CTCF: variants seen among roughly 807,000 people sequenced by gnomAD.
CTCF encodes transcriptional repressor CTCF.
CTCF carries 7 observed loss-of-function variants against 72.3 expected under a neutral mutation model. The observed-to-expected ratio is 0.10, with a 90% CI of 0.06 to 0.18. The LOEUF (loss-of-function observed/expected upper bound fraction) is 0.18. Among genes scored for constraint, CTCF ranks in the 10% least tolerant of loss-of-function variants. CTCF has a pLI of 1.00. For synonymous variants in CTCF, 374 were observed against 315.8 expected (o/e 1.18, Z -1.95); for missense variants, 516 against 949.1 (o/e 0.54, Z 6.00).
At chr16:67,636,925 C>G in intron 11 of CTCF, 74 bp downstream of exon 11, 11 of 1,298,568 alleles carry the variant, frequency 8.5e-6, no homozygotes, top group Non-Finnish European at 1.1e-5. Flanking sequence ...GGTCCTTGTT[C>G]TTTGGGGATG....
intron 2 of CTCF, among the ~76,000 whole-genome samples, chr16:67,608,359 G>A (rs1442218659): frequency 1.3e-5 from 2 of 151,920 alleles, no homozygotes; most frequent in Non-Finnish European, 2.9e-5. Context: ...CGACTTGTTA[G>A]ATGTGGTTCT....
chr16:67,608,394 A>G (rs1381856359), intron 2 of CTCF, among the ~76,000 whole-genome samples: 1 of 152,010 alleles, frequency 6.6e-6, no homozygotes, highest in Non-Finnish European at 1.5e-5. Flanking sequence ...TCCTGATCTC[A>G]TTGTCAGGAG....
rs1264086135 is a variant in CTCF, at chr16:67,636,719, G to A, written c.1867G>A (p.Glu623Lys). Reference protein sequence around the residue: ...ENAEPDLDDNEDEEEPAVEIE... With the variant: ...ENAEPDLDDNKDEEEPAVEIE... ...TGCTGAACCAGATCTGGACGACAAT[G>A]AGGATGAGGAGGAGCCTGCCGTAGA... The change falls in exon 11 of 12, where the codon GAG (glutamate) becomes AAG (lysine). Residue 623 changes from glutamate (E) to lysine (K), a missense_variant. Glu to Lys is a moderately conservative substitution (Grantham distance 56, BLOSUM62 1). Transcript: ENST00000264010. The A allele has an allele frequency of 1.2e-6, 2 of 1,608,186 alleles. No individual in the cohort carries two copies. The highest frequency in any genetic ancestry group is 8.5e-7 in the Non-Finnish European group (1 of 1,177,176).
rs2052468211 is a variant in CTCF at position 67,638,908 on chromosome 16, C to T, written c.*1036C>T. On this transcript the variant is annotated 3_prime_UTR_variant, in exon 12 of 12. Transcript: ENST00000264010. ...CTAAAAAGTGATTCTTGCACATGAACTGTCACATGTTTAAAAATGTGTTTT... is the reference window on the plus strand; with the variant it reads ...CTAAAAAGTGATTCTTGCACATGAATTGTCACATGTTTAAAAATGTGTTTT... 1 of 205,920 alleles carries T rather than the reference C, an allele frequency of 4.9e-6. No homozygotes were observed. Among genetic ancestry groups the T allele is most frequent in the Non-Finnish European group, 9.9e-6 (1 of 100,538 alleles). 12.8% of individuals were successfully genotyped at this position (205,920 alleles called of 1,614,324 possible).
chr16:67,628,047 A>G (rs2142865727), intron 8 of CTCF: 1 of 228,940 alleles, frequency 4.4e-6, no homozygotes, highest in South Asian at 1.5e-4. Flanking sequence ...GCGAGCCAAG[A>G]TCGCGCCACT....
intron 9 of CTCF, 137 bp downstream of exon 9, chr16:67,628,689 C>T: frequency 1.2e-6 from 1 of 854,266 alleles, no homozygotes; most frequent in Non-Finnish European, 1.9e-6. Context: ...TTAGTCATCC[C>T]CATCTTGATG....
intron 7 of CTCF, among the ~76,000 whole-genome samples, 157 bp downstream of exon 7, chr16:67,621,748 C>CTTTTTTT (rs34853932): frequency 9.1e-5 from 11 of 121,342 alleles, no homozygotes; most frequent in African/African-American, 2.0e-4. Flanking sequence ...TGCTTAGCTG[C>CTTTTTTT]TTTTTTTTTT....
intron 2 of CTCF, among the ~76,000 whole-genome samples, chr16:67,595,755 C>G (rs1175066402): frequency 2.0e-5 from 3 of 152,128 alleles, no homozygotes; most frequent in African/African-American, 7.2e-5. Flanking sequence ...GTCTCTGACT[C>G]TTAACAGTGA....
intron 2 of CTCF, among the ~76,000 whole-genome samples, chr16:67,599,192 C>A (rs570450310): frequency 1.3e-5 from 2 of 152,190 alleles, no homozygotes; most frequent in East Asian, 3.9e-4. Context: ...GTCAGGAGAT[C>A]GAGACCATCC....
At chr16:67,572,447 TC>T (rs1240494930) in intron 2 of CTCF, 1 of 152,180 alleles carries the variant, frequency 6.6e-6, no homozygotes, top group Non-Finnish European at 1.5e-5. Flanking sequence ...ATTGCTTAGA[TC>T]CCTGTTTCTC....
intron 10 of CTCF, among the ~76,000 whole-genome samples, chr16:67,632,161 G>C (rs2052374490): frequency 6.6e-6 from 1 of 151,748 alleles, no homozygotes; most frequent in Non-Finnish European, 1.5e-5. Context: ...TATTACCAGT[G>C]ATCAGATAAT....
At chr16:67,627,736 C>G (rs2052309320) in intron 8 of CTCF, 1 of 152,004 alleles carries the variant, frequency 6.6e-6, no homozygotes, top group Non-Finnish European at 1.5e-5. Context: ...ATCACAAGGT[C>G]AGGAGATCAA....
At chr16:67,606,135 G>T (rs967005068) in intron 2 of CTCF, among the ~76,000 whole-genome samples, 1 of 152,078 alleles carries the variant, frequency 6.6e-6, no homozygotes, top group Admixed American at 6.6e-5. Context: ...ACTATGGGGG[G>T]CAACCAGCAC....
intron 1 of CTCF, among the ~76,000 whole-genome samples, chr16:67,567,149 T>A (rs187541057): frequency 1.3e-5 from 2 of 152,286 alleles, no homozygotes; most frequent in East Asian, 3.9e-4. Context: ...CCATTTTTTT[T>A]AAACACCTGT....
rs771972615 is a variant in CTCF, at chr16:67,637,857, C to T, written c.2169C>T (p.Ser723=). The change falls in exon 12 of 12, where the codon AGC becomes AGT. Residue 723 remains serine (S), a synonymous_variant. Coordinates refer to ENST00000264010, the MANE Select transcript of CTCF (RefSeq NM_006565.4). ...NGDLTPEMIL[S]MMDR The stretch of plus-strand genomic sequence containing the variant: ...ACCTCACGCCCGAGATGATCCTCAG[C>T]ATGATGGACCGGTGATGGCGGAGCC... 1.6e-5 allele frequency: 25 copies of T among 1,611,202 alleles called. No individual in the cohort carries two copies. The highest frequency in any genetic ancestry group is 2.0e-5 in the Non-Finnish European group (24 of 1,179,310).
In CTCF at chr16:67,631,163, T is replaced by G. The variant is rs542586142; in HGVS notation, c.1837+1630T>G. Among the ~76,000 whole-genome samples, 3 of 134,948 alleles carry G rather than the reference T, an allele frequency of 2.2e-5. 1 individual carries two copies. The highest frequency in any genetic ancestry group is 8.6e-5 in the African/African-American group (3 of 34,790). The allele number at this position is 134,948 out of a possible 152,430, so 88.5% of individuals were successfully genotyped here. ...TTTTTGTTCTTTGTTTGTTTTTTTT[T>G]TGTTTTTTGTTTTTTTTTTGAGACA... On this transcript the variant is annotated intron_variant, in intron 10 of 11. Transcript: ENST00000264010.
In CTCF at chr16:67,596,370, C is replaced by T. The variant is rs558816630; in HGVS notation, c.-9-14454C>T. Among the ~76,000 whole-genome samples the T allele has an allele frequency of 2.0e-5, 3 of 152,126 alleles. No homozygotes were observed. In the East Asian group the frequency reaches 5.8e-4, roughly 29 times the overall value. On this transcript the variant is annotated intron_variant, in intron 2 of 11. Transcript: ENST00000264010. ...TTTGGTTTTTTTCTTATTCATCTGC[C>T]ATTTGTGTATTTTCAGTCATCTATT... is the stretch of plus-strand genomic sequence containing the variant.
chr16:67,595,856 C>T (rs961833530), intron 2 of CTCF, among the ~76,000 whole-genome samples: 8 of 152,146 alleles, frequency 5.3e-5, no homozygotes, highest in Non-Finnish European at 8.8e-5. Context: ...TTTTTGATGT[C>T]TACGATTCAC....
In CTCF at chr16:67,584,320, C is replaced by CA. The variant is rs1403823144; in HGVS notation, c.-10+13067dup. Among the ~76,000 whole-genome samples the CA allele has an allele frequency of 2.4e-3, 247 of 104,790 alleles. 1 individual carries two copies. The highest frequency in any genetic ancestry group is 0.022 in the Middle Eastern group (4 of 180). The allele number at this position is 104,790 out of a possible 152,430, so 68.7% of individuals were successfully genotyped here. On this transcript the variant is annotated intron_variant, in intron 2 of 11. Coordinates refer to ENST00000264010, the MANE Select transcript of CTCF (RefSeq NM_006565.4). ...CTGGATGACGAACGGAACTCCTTCTCAAAAAAAAAAAGTCTTCTTTTTTTT... is the reference window on the plus strand; with the variant it reads ...CTGGATGACGAACGGAACTCCTTCTCAAAAAAAAAAAAGTCTTCTTTTTTTT...
Sources: allele counts gnomAD v4.1 joint callset (sites outside exome capture counted in the v4.1 genomes callset), GRCh38; gene constraint gnomAD v4.1.1; transcripts MANE v1.5; gene names NCBI Gene and HGNC (gene_info 2026-07-23, HGNC 2026-07-21).